Variants in CCAR1 observed in about 807,000 individuals in gnomAD.
CCAR1 encodes the protein cell division cycle and apoptosis regulator protein 1.
In CCAR1, 78 loss-of-function variants were observed where a neutral mutation model predicts 163.8. The observed-to-expected ratio is 0.48, with a 90% confidence interval of 0.40 to 0.57. The LOEUF (loss-of-function observed/expected upper bound fraction) is 0.57. Ranked by LOEUF, CCAR1 falls within the 20% of genes least tolerant of loss-of-function variation. The pLI, the probability that CCAR1 is intolerant of heterozygous loss-of-function variation, is 0.00. For missense variants in CCAR1, 1,019 were observed against 1,365.2 expected (o/e 0.75, Z 4.00); for synonymous variants, 443 against 460.7 (o/e 0.96, Z 0.49).
chr10:68,742,339 A>G (rs749005518), intron 5 of CCAR1, 37 bp from the exon 6 acceptor site: 1 of 1,522,578 alleles, frequency 6.6e-7, no homozygotes, highest in Admixed American at 2.1e-5. Flanking sequence ...ATGATTTCAA[A>G]TCATTACCTT....
chr10:68,740,356 C>CT (rs2056167052), intron 4 of CCAR1, among the ~76,000 whole-genome samples: 1 of 152,144 alleles, frequency 6.6e-6, no homozygotes, highest in African/African-American at 2.4e-5. Flanking sequence ...CTAGTTATCT[C>CT]TGTTACTTTT....
intron 2 of CCAR1, among the ~76,000 whole-genome samples, chr10:68,730,534 C>T (rs950258579): frequency 6.6e-6 from 1 of 150,702 alleles, no homozygotes; most frequent in African/African-American, 2.4e-5. Context: ...GACAGGGTTT[C>T]ACCATTTTGG....
In CCAR1 at chr10:68,791,485, T is replaced by C. The variant is rs757996931; in HGVS notation, c.*219T>C. The C allele has an allele frequency of 1.5e-5, 5 of 333,552 alleles. No homozygotes were observed. Among genetic ancestry groups the C allele is most frequent in the Non-Finnish European group, 2.8e-5 (5 of 178,814 alleles). The allele number at this position is 333,552 out of a possible 1,614,324, so 20.7% of individuals were successfully genotyped here. ...TAAACACTCCTTGAGTGAAATAATTTTGCATTGCAAAGTGTTTTAGGATGA... is the reference window on the plus strand; with the variant it reads ...TAAACACTCCTTGAGTGAAATAATTCTGCATTGCAAAGTGTTTTAGGATGA... On this transcript the variant is annotated 3_prime_UTR_variant, in exon 25 of 25. Transcript: ENST00000265872.
chr10:68,728,705 C>T (rs2055986152), intron 2 of CCAR1, among the ~76,000 whole-genome samples: 1 of 152,148 alleles, frequency 6.6e-6, no homozygotes, highest in African/African-American at 2.4e-5. Context: ...CCTGTAATCC[C>T]AGCACTTTGA....
At chr10:68,766,892 G>GA (rs142278812) in intron 17 of CCAR1, among the ~76,000 whole-genome samples, 1 of 152,046 alleles carries the variant, frequency 6.6e-6, no homozygotes, top group Admixed American at 6.6e-5. Context: ...TACTTCTTGG[G>GA]AAAAAATAGA....
chr10:68,761,265 T>A (rs1304353606), intron 16 of CCAR1, 73 bp downstream of exon 16: 2 of 704,160 alleles, frequency 2.8e-6, no homozygotes, highest in Non-Finnish European at 4.2e-6. Flanking sequence ...AATACGTGAG[T>A]TAAGATTATG....
intron 5 of CCAR1, 81 bp from the exon 6 acceptor site, chr10:68,742,295 G>T: frequency 2.0e-6 from 2 of 1,020,994 alleles, no homozygotes. Flanking sequence ...TTAACATTCT[G>T]GGTTAGTTTT....
chr10:68,791,443 C>T lies in CCAR1; in HGVS notation c.*177C>T, dbSNP rs987450275. The T allele has an allele frequency of 9.0e-6, 4 of 444,886 alleles. No individual in the cohort carries two copies. The highest frequency in any genetic ancestry group is 8.2e-5 in the African/African-American group (4 of 48,714). The allele number at this position is 444,886 out of a possible 1,614,324, so 27.6% of individuals were successfully genotyped here. ...CTGCTTTTGAAAATTGCTTGTAATT[C>T]CTAGCCTTCAAATTATTAAACACTC... On this transcript the variant is annotated 3_prime_UTR_variant, in exon 25 of 25. Coordinates refer to ENST00000265872, the MANE Select transcript of CCAR1 (RefSeq NM_018237.4).
intron 20 of CCAR1, 101 bp downstream of exon 20, chr10:68,786,319 C>G (rs2056794764): frequency 2.3e-6 from 2 of 882,590 alleles, no homozygotes; most frequent in Admixed American, 5.5e-5. Context: ...ATCTTTATTA[C>G]CACTAAGTAA....
intron 15 of CCAR1, among the ~76,000 whole-genome samples, chr10:68,758,390 A>T (rs2056421856): frequency 6.6e-6 from 1 of 151,832 alleles, no homozygotes; most frequent in South Asian, 2.1e-4. Flanking sequence ...AGATTGATAC[A>T]CATCTAAACT....
chr10:68,723,253 C>G (rs554870760), intron 2 of CCAR1, among the ~76,000 whole-genome samples: 1 of 150,896 alleles, frequency 6.6e-6, no homozygotes, highest in African/African-American at 2.4e-5. Flanking sequence ...TCCTGAGTAG[C>G]TGGGACTACA....
At chr10:68,766,128 G>T in intron 17 of CCAR1, 49 bp downstream of exon 17, 1 of 1,109,226 alleles carries the variant, frequency 9.0e-7, no homozygotes, top group South Asian at 1.4e-5. Context: ...CACACATTAT[G>T]ACTAGTTAAT....
chr10:68,778,781 T>C (rs1475099053), intron 19 of CCAR1, among the ~76,000 whole-genome samples: 1 of 152,208 alleles, frequency 6.6e-6, no homozygotes. Context: ...CAATTGCTGC[T>C]TGCTTCTGTT....
Position 68,792,202 on chromosome 10 carries a change from C to T in CCAR1, c.*936C>T, listed in dbSNP as rs936211336. The T allele has an allele frequency of 6.6e-6, 1 of 151,720 alleles. No individual in the cohort carries two copies. Among genetic ancestry groups the T allele is most frequent in the Non-Finnish European group, 1.5e-5 (1 of 67,978 alleles). The allele number at this position is 151,720 out of a possible 1,614,324, so 9.4% of individuals were successfully genotyped here. A position where few individuals can be genotyped will look rare whatever the true frequency, so the allele number is the denominator to read the frequency against. ...ATTAGTTGTCCTGATGTCAATGTTA[C>T]TGCTTTCAATTAATTTTTCTACTTT... On this transcript the variant is annotated 3_prime_UTR_variant, in exon 25 of 25. Transcript: ENST00000265872.
At chr10:68,747,051 T>C in intron 6 of CCAR1, 110 bp from the exon 7 acceptor site, 1 of 594,136 alleles carries the variant, frequency 1.7e-6, no homozygotes, top group Non-Finnish European at 2.9e-6. Flanking sequence ...CTGTTTATTT[T>C]TTTTTGAGAT....
chr10:68,740,337 A>G (rs1014083709), intron 4 of CCAR1, among the ~76,000 whole-genome samples: 3 of 152,162 alleles, frequency 2.0e-5, no homozygotes, highest in Non-Finnish European at 4.4e-5. Flanking sequence ...GTTGTAGGAA[A>G]CTTTATACCT....
rs1212774993 is a variant in CCAR1 at position 68,749,701 on chromosome 10, C to T, written c.1118+16C>T. On this transcript the variant is annotated intron_variant, in intron 10 of 24. Coordinates refer to ENST00000265872, the MANE Select transcript of CCAR1 (RefSeq NM_018237.4). ...CTTTAGATTGGTAGGTTATTCCCCA[C>T]CCATTGTTTTCTTGAGTTACTAATT... 2 of 1,582,018 alleles carry T rather than the reference C, an allele frequency of 1.3e-6. No individual in the cohort carries two copies. Among genetic ancestry groups the T allele is most frequent in the South Asian group, 1.1e-5 (1 of 88,488 alleles).
chr10:68,740,732 A>G (rs926949378), intron 5 of CCAR1, 71 bp downstream of exon 5: 1 of 1,235,030 alleles, frequency 8.1e-7, no homozygotes, highest in Non-Finnish European at 1.2e-6. Context: ...TTAGTATTCT[A>G]CTTTTTCTTT....
At chr10:68,749,352 T>C (rs992108991) in intron 9 of CCAR1, 87 bp downstream of exon 9, 1 of 1,363,750 alleles carries the variant, frequency 7.3e-7, no homozygotes, top group South Asian at 1.6e-5. Flanking sequence ...ATGCTTATAA[T>C]ATAAAATTTT....
Sources: gnomAD v4.1 joint callset for allele counts (sites outside exome capture counted in the v4.1 genomes callset) on GRCh38, gnomAD v4.1.1 for gene constraint, MANE v1.5 for transcripts, NCBI Gene and HGNC (gene_info 2026-07-23, HGNC 2026-07-21) for gene names.